The following PEBP4 variants were observed in gnomAD, a reference collection of about 807,000 sequenced individuals.
The protein encoded by PEBP4 is phosphatidylethanolamine-binding protein 4.
A neutral mutation model predicts 23.9 loss-of-function variants in PEBP4; 22 were observed. That is an observed-to-expected ratio of 0.92 (90% CI 0.66 to 1.31). The LOEUF is 1.31. Ranked by LOEUF, PEBP4 falls within the 40% of genes most tolerant of loss-of-function variation. The pLI, the probability that PEBP4 is intolerant of heterozygous loss-of-function variation, is 0.00. For synonymous variants in PEBP4, 112 were observed against 99.3 expected (o/e 1.13, Z -0.76); for missense variants, 324 against 281.7 (o/e 1.15, Z -1.07).
At chr8:22,736,888 C>T (rs1235089815) in intron 4 of PEBP4, among the ~76,000 whole-genome samples, 1 of 152,118 alleles carries the variant, frequency 6.6e-6, no homozygotes, top group African/African-American at 2.4e-5. Context: ...TTTGGATAGC[C>T]ATCTTATTAG....
rs142450959 is a variant in PEBP4 at position 22,861,472 on chromosome 8, G to A, written c.259-43737C>T. 1.9e-3 allele frequency among the ~76,000 whole-genome samples: 294 copies of A among 152,274 alleles called. No individual in the cohort carries two copies. In the South Asian group the frequency reaches 0.025, roughly 13 times the overall value. On this transcript the variant is annotated intron_variant, in intron 3 of 6. Transcript: ENST00000256404. ...CCCAGAGAGGCTACACACCTTACCC[G>A]CTGAATACAGAGGAAATTAAGTCAT...
intron 3 of PEBP4, among the ~76,000 whole-genome samples, chr8:22,918,891 C>T (rs922638146): frequency 7.9e-5 from 12 of 151,984 alleles, no homozygotes; most frequent in African/African-American, 2.2e-4. Context: ...AGAGGGCTGA[C>T]GCTGTGTGCA....
At chr8:22,838,650 A>G (rs1478218251) in intron 3 of PEBP4, among the ~76,000 whole-genome samples, 1 of 152,280 alleles carries the variant, frequency 6.6e-6, no homozygotes, top group Non-Finnish European at 1.5e-5. Flanking sequence ...CCGGGGCCTC[A>G]GCCGACCCAG....
At chr8:22,858,815 C>T (rs949032371) in intron 3 of PEBP4, among the ~76,000 whole-genome samples, 2 of 152,082 alleles carry the variant, frequency 1.3e-5, no homozygotes, top group Admixed American at 6.6e-5. Flanking sequence ...GGCATGGTAG[C>T]GGGTGCCTGT....
chr8:22,872,355 A>G (rs1808022755), intron 3 of PEBP4, among the ~76,000 whole-genome samples: 1 of 152,198 alleles, frequency 6.6e-6, no homozygotes, highest in African/African-American at 2.4e-5. Context: ...CCCGTTGCCA[A>G]GCCACACCTC....
chr8:22,728,571 C>T (rs58872959), intron 4 of PEBP4, among the ~76,000 whole-genome samples: 27,485 of 130,050 alleles, frequency 0.21, 3,203 homozygotes, highest in East Asian at 0.34. Flanking sequence ...TTCCTTCCTT[C>T]CTTCCTTCCT....
intron 3 of PEBP4, among the ~76,000 whole-genome samples, chr8:22,902,466 T>C (rs950544880): frequency 1.4e-5 from 2 of 143,020 alleles, no homozygotes; most frequent in Non-Finnish European, 3.0e-5. Flanking sequence ...GATAGGGTGC[T>C]CTGAATGTGT....
rs186956267 is a variant in PEBP4, at chr8:22,756,180, G to A, written c.358-28960C>T. Among the ~76,000 whole-genome samples the A allele has an allele frequency of 2.2e-3, 329 of 152,334 alleles. 1 individual carries two copies. The highest frequency in any genetic ancestry group is 3.1e-3 in the Non-Finnish European group (214 of 68,030). On this transcript the variant is annotated intron_variant, in intron 4 of 6. Coordinates refer to ENST00000256404, the MANE Select transcript of PEBP4 (RefSeq NM_144962.3). Reference sequence around the variant, plus strand: ...AGCCTTGCGAGGCTAGCGTGGGATGGTCTGGAGACAAGGTGGCAAGACTCA... The same window carrying A: ...AGCCTTGCGAGGCTAGCGTGGGATGATCTGGAGACAAGGTGGCAAGACTCA...
At chr8:22,876,037 G>A (rs1808114148) in intron 3 of PEBP4, among the ~76,000 whole-genome samples, 1 of 126,486 alleles carries the variant, frequency 7.9e-6, no homozygotes, top group East Asian at 2.1e-4. Flanking sequence ...AGCCACTGGA[G>A]TAAGCTGGGA....
intron 3 of PEBP4, among the ~76,000 whole-genome samples, chr8:22,902,551 C>T (rs1245418178): frequency 3.3e-5 from 5 of 152,058 alleles, no homozygotes; most frequent in Admixed American, 1.3e-4. Context: ...TAGCCTCTCC[C>T]CAGGCAACCT....
intron 4 of PEBP4, among the ~76,000 whole-genome samples, chr8:22,790,759 TA>T (rs1425048253): frequency 1.3e-5 from 2 of 152,234 alleles, no homozygotes; most frequent in Admixed American, 1.3e-4. Flanking sequence ...TAATTGCTGT[TA>T]CTGTCAGTGT....
intron 4 of PEBP4, among the ~76,000 whole-genome samples, chr8:22,813,494 T>A (rs1040699302): frequency 6.6e-6 from 1 of 152,186 alleles, no homozygotes; most frequent in Non-Finnish European, 1.5e-5. Flanking sequence ...AAAAGTCTAA[T>A]GAAAATATCT....
intron 4 of PEBP4, among the ~76,000 whole-genome samples, chr8:22,800,278 C>G (rs1806356518): frequency 6.6e-6 from 1 of 151,998 alleles, no homozygotes; most frequent in Admixed American, 6.6e-5. Context: ...TTGGATGGGG[C>G]AGGAGACAGA....
At chr8:22,927,291 C>T (rs1809361139) in intron 2 of PEBP4, among the ~76,000 whole-genome samples, 1 of 152,114 alleles carries the variant, frequency 6.6e-6, no homozygotes, top group Admixed American at 6.5e-5. Context: ...GTCTCAGCCT[C>T]CTGCCCCCAC....
chr8:22,845,283 C>G (rs530705578), intron 3 of PEBP4, among the ~76,000 whole-genome samples: 1 of 151,552 alleles, frequency 6.6e-6, no homozygotes, highest in African/African-American at 2.4e-5. Context: ...CCTGTAACCC[C>G]AACACTCTGG....
At chr8:22,891,573 C>T (rs141474502) in intron 3 of PEBP4, among the ~76,000 whole-genome samples, 151 of 152,314 alleles carry the variant, frequency 9.9e-4, no homozygotes, top group Admixed American at 6.6e-3. Context: ...TGGGAAGCTC[C>T]TGATGCAAAA....
chr8:22,919,912 G>A (rs1295186277), intron 3 of PEBP4, among the ~76,000 whole-genome samples: 1 of 152,142 alleles, frequency 6.6e-6, no homozygotes, highest in Non-Finnish European at 1.5e-5. Flanking sequence ...GGCAGCCAAG[G>A]AGCTCCCAGA....
chr8:22,792,567 T>C (rs957527355), intron 4 of PEBP4, among the ~76,000 whole-genome samples: 1 of 152,180 alleles, frequency 6.6e-6, no homozygotes, highest in African/African-American at 2.4e-5. Flanking sequence ...AGATGCCCTC[T>C]TGTGAGCTCA....
At chr8:22,918,500 A>G (rs1809126703) in intron 3 of PEBP4, among the ~76,000 whole-genome samples, 1 of 152,140 alleles carries the variant, frequency 6.6e-6, no homozygotes. Context: ...ACCAAATCAA[A>G]CCAAAGACTT....
Sources: allele counts gnomAD v4.1 joint callset (sites outside exome capture counted in the v4.1 genomes callset), GRCh38; gene constraint gnomAD v4.1.1; transcripts MANE v1.5; gene names NCBI Gene and HGNC (gene_info 2026-07-23, HGNC 2026-07-21).